Variants in CCDC178 observed in about 807,000 individuals in gnomAD.
CCDC178 encodes coiled-coil domain containing 178, also known as coiled-coil domain-containing protein 178.
Under a neutral mutation model 117.4 loss-of-function variants are expected in CCDC178, and 126 were observed. The ratio of observed to expected loss-of-function variants is 1.07; its 90% CI spans 0.93 to 1.24. CCDC178 has a LOEUF of 1.24. Among genes scored for constraint, CCDC178 ranks in the 50% most tolerant of loss-of-function variants. The pLI is 0.00. For synonymous variants in CCDC178, 283 were observed against 313.4 expected, an observed-to-expected ratio of 0.90 and a Z score of 1.02; for missense variants, 1,030 against 986.9, an observed-to-expected ratio of 1.04 and a Z score of -0.59.
At chr18:33,144,008 C>T (rs561862765) in intron 20 of CCDC178, among the ~76,000 whole-genome samples, 2 of 152,202 alleles carry the variant, frequency 1.3e-5, no homozygotes, top group South Asian at 4.2e-4. Flanking sequence ...ATTTACTTTA[C>T]TGCACCACCT....
In CCDC178 at chr18:33,217,841, T is replaced by A. The variant is rs184767578; in HGVS notation, c.1933-2146A>T. Among the ~76,000 whole-genome samples the A allele has an allele frequency of 3.0e-4, 45 of 152,144 alleles. 1 individual carries two copies. Among genetic ancestry groups the A allele is most frequent in the Admixed American group, 2.8e-3 (43 of 15,228 alleles). On this transcript the variant is annotated intron_variant, in intron 18 of 22. Transcript: ENST00000383096. ...ATGGTTAAGAGCATCTATTTCAGTGTCAGACTGTCTGGGTTGGAATTGCAA... is the reference window on the plus strand; with the variant it reads ...ATGGTTAAGAGCATCTATTTCAGTGACAGACTGTCTGGGTTGGAATTGCAA...
chr18:33,012,646 C>A (rs1312816386), intron 21 of CCDC178, among the ~76,000 whole-genome samples: 1 of 152,104 alleles, frequency 6.6e-6, no homozygotes, highest in African/African-American at 2.4e-5. Flanking sequence ...CATCTTATGG[C>A]TTTAAATAAT....
intron 21 of CCDC178, among the ~76,000 whole-genome samples, chr18:33,015,334 G>A (rs543829976): frequency 1.3e-5 from 2 of 151,976 alleles, no homozygotes; most frequent in East Asian, 3.9e-4. Flanking sequence ...GGAGGCCAAG[G>A]CGGGGCAGAT....
intron 2 of CCDC178, among the ~76,000 whole-genome samples, chr18:33,428,691 A>G (rs372311580): frequency 2.5e-4 from 35 of 141,590 alleles, no homozygotes; most frequent in African/African-American, 8.3e-4. Context: ...AAGATCGCCC[A>G]CTTGCACTCC....
chr18:33,078,535 G>C (rs572354763), intron 21 of CCDC178, among the ~76,000 whole-genome samples: 1 of 152,116 alleles, frequency 6.6e-6, no homozygotes, highest in Admixed American at 6.6e-5. Context: ...AGGAAACCCC[G>C]TAGTCTTGGC....
At chr18:32,991,633 G>A in intron 21 of CCDC178, among the ~76,000 whole-genome samples, 1 of 151,952 alleles carries the variant, frequency 6.6e-6, no homozygotes. Context: ...TCTTCCAAAT[G>A]TCCCACTACA....
At chr18:33,395,455 C>A (rs2063622559) in intron 4 of CCDC178, among the ~76,000 whole-genome samples, 1 of 151,894 alleles carries the variant, frequency 6.6e-6, no homozygotes. Flanking sequence ...TGACCTCTAC[C>A]AGAGCTCAAG....
At chr18:33,035,785 C>A (rs1270448163) in intron 21 of CCDC178, among the ~76,000 whole-genome samples, 2 of 151,800 alleles carry the variant, frequency 1.3e-5, no homozygotes, top group Non-Finnish European at 2.9e-5. Flanking sequence ...ACATTGTATA[C>A]CTTGATTATA....
intron 12 of CCDC178, among the ~76,000 whole-genome samples, chr18:33,289,486 C>T (rs963625670): frequency 6.6e-6 from 1 of 151,928 alleles, no homozygotes; most frequent in African/African-American, 2.4e-5. Context: ...TGGTGGCACA[C>T]ACCTGTAATC....
intron 11 of CCDC178, among the ~76,000 whole-genome samples, chr18:33,303,285 G>C (rs972867108): frequency 6.6e-6 from 1 of 152,146 alleles, no homozygotes; most frequent in Non-Finnish European, 1.5e-5. Flanking sequence ...TTCTTAAAAA[G>C]TCATAACTGT....
At chr18:32,989,833 A>G (rs1175561100) in intron 21 of CCDC178, among the ~76,000 whole-genome samples, 1 of 152,156 alleles carries the variant, frequency 6.6e-6, no homozygotes, top group African/African-American at 2.4e-5. Flanking sequence ...ATATAGAAAA[A>G]AATACATATA....
chr18:33,070,642 A>T (rs1443120729), intron 21 of CCDC178, among the ~76,000 whole-genome samples: 3 of 152,034 alleles, frequency 2.0e-5, no homozygotes, highest in Non-Finnish European at 4.4e-5. Context: ...TTGTATATTT[A>T]AAAATAGCTA....
rs767410517 is a variant in CCDC178, at chr18:33,291,991, AGTGG to A, written c.1176+1164_1176+1167del. 1.9e-4 allele frequency among the ~76,000 whole-genome samples: 28 copies of A among 150,528 alleles called. 1 individual carries two copies. The highest frequency in any genetic ancestry group is 1.2e-3 in the Admixed American group (18 of 14,966). ...CTATAAATGAACACAGCCACTGTGG[AGTGG>A]AGATCACAGCAGTATGGAGATTCCT... On this transcript the variant is annotated intron_variant, in intron 12 of 22. Transcript: ENST00000383096.
At chr18:33,240,918 A>G (rs569584830) in intron 15 of CCDC178, among the ~76,000 whole-genome samples, 2 of 151,998 alleles carry the variant, frequency 1.3e-5, no homozygotes, top group East Asian at 3.9e-4. Context: ...CTGCAGGCCA[A>G]TATGTATGAA....
At chr18:33,286,799 C>T (rs1295725510) in intron 12 of CCDC178, among the ~76,000 whole-genome samples, 1 of 152,024 alleles carries the variant, frequency 6.6e-6, no homozygotes, top group African/African-American at 2.4e-5. Flanking sequence ...TTCTAAATCC[C>T]TAAAAGTTAT....
At position 33,377,025 on chromosome 18, in the gene CCDC178, A is replaced by C. The variant is rs527280973; in HGVS notation, c.209-6836T>G. 3.5e-4 allele frequency among the ~76,000 whole-genome samples: 53 copies of C among 152,316 alleles called. 1 individual carries two copies. The highest frequency in any genetic ancestry group is 1.3e-3 in the African/African-American group (52 of 41,574). ...GCTCTTAGTTATTAGACAAATCTCAAAACTGCTTTCCATAGTGGCTAAACT... is the reference window on the plus strand; with the variant it reads ...GCTCTTAGTTATTAGACAAATCTCACAACTGCTTTCCATAGTGGCTAAACT... On this transcript the variant is annotated intron_variant, in intron 5 of 22. Transcript: ENST00000383096.
intron 14 of CCDC178, among the ~76,000 whole-genome samples, chr18:33,250,192 T>A (rs538650320): frequency 6.6e-6 from 1 of 151,754 alleles, no homozygotes; most frequent in Non-Finnish European, 1.5e-5. Context: ...TTGTGAAAAA[T>A]TATTATTTAA....
chr18:32,944,455 C>A (rs532345970), intron 22 of CCDC178, among the ~76,000 whole-genome samples: 1 of 152,068 alleles, frequency 6.6e-6, no homozygotes, highest in East Asian at 1.9e-4. Flanking sequence ...CACTGATGGG[C>A]CTATTTTAAA....
At chr18:33,189,678 A>G (rs2058836095) in intron 20 of CCDC178, among the ~76,000 whole-genome samples, 1 of 152,178 alleles carries the variant, frequency 6.6e-6, no homozygotes, top group African/African-American at 2.4e-5. Context: ...AGTATTTGCA[A>G]TTGACTTTAT....
Sources: gnomAD v4.1 joint callset for allele counts (sites outside exome capture counted in the v4.1 genomes callset) on GRCh38, gnomAD v4.1.1 for gene constraint, MANE v1.5 for transcripts, NCBI Gene and HGNC (gene_info 2026-07-23, HGNC 2026-07-21) for gene names.